The following ASTN2 variants were observed in gnomAD, a reference collection of about 807,000 sequenced individuals.
ASTN2 encodes astrotactin-2.
ASTN2 carries 54 observed loss-of-function variants against 139.8 expected under a neutral mutation model. The ratio of observed to expected loss-of-function variants is 0.39; its 90% CI spans 0.31 to 0.48. The LOEUF is 0.48. Ranked by LOEUF, ASTN2 falls within the 20% of genes least tolerant of loss-of-function variation. ASTN2 has a pLI of 0.95. For synonymous variants in ASTN2, 756 were observed against 719.5 expected (o/e 1.05, Z -0.81); for missense variants, 1,565 against 1,725.1 (o/e 0.91, Z 1.64).
chr9:116,973,316 A>G (rs1438786198), intron 10 of ASTN2, among the ~76,000 whole-genome samples: 1 of 152,198 alleles, frequency 6.6e-6, no homozygotes, highest in East Asian at 1.9e-4. Context: ...TATTATTATT[A>G]TTATTATTAT....
intron 5 of ASTN2, among the ~76,000 whole-genome samples, chr9:117,048,963 C>CTTTTTTTTTTTTTT (rs372277811): frequency 0.013 from 1,113 of 88,958 alleles, 174 homozygotes; most frequent in African/African-American, 0.037. Flanking sequence ...TCATCCATTG[C>CTTTTTTTTTTTTTT]TTTTTTTTTT....
intron 5 of ASTN2, among the ~76,000 whole-genome samples, chr9:117,075,119 C>T (rs1828244020): frequency 6.6e-6 from 1 of 152,194 alleles, no homozygotes. Context: ...TAGGGCCACT[C>T]CTGCCCCAAC....
chr9:116,718,792 T>C (rs1828386190), intron 16 of ASTN2, among the ~76,000 whole-genome samples: 1 of 151,922 alleles, frequency 6.6e-6, no homozygotes, highest in Admixed American at 6.6e-5. Context: ...ACTATAGCAT[T>C]GGCTCTCCCA....
chr9:116,487,586 C>A, intron 19 of ASTN2, 86 bp from the exon 20 acceptor site: 1 of 1,280,454 alleles, frequency 7.8e-7, no homozygotes, highest in South Asian at 1.6e-5. Flanking sequence ...TATCAAATGT[C>A]TTGATACCAT....
chr9:117,352,009 T>A (rs1829407843), intron 1 of ASTN2, among the ~76,000 whole-genome samples: 2 of 152,188 alleles, frequency 1.3e-5, no homozygotes, highest in Non-Finnish European at 2.9e-5. Flanking sequence ...ACTATTAATA[T>A]CTTTTTAATT....
At chr9:116,456,721 G>A (rs184102585) in intron 20 of ASTN2, among the ~76,000 whole-genome samples, 4 of 152,204 alleles carry the variant, frequency 2.6e-5, no homozygotes, top group Admixed American at 6.5e-5. Flanking sequence ...AACAGCACAC[G>A]AAAGAATTTC....
At chr9:116,761,234 C>A (rs1829665020) in intron 13 of ASTN2, among the ~76,000 whole-genome samples, 1 of 152,202 alleles carries the variant, frequency 6.6e-6, no homozygotes, top group African/African-American at 2.4e-5. Flanking sequence ...CAGGCATGAA[C>A]CTAGGCTCTC....
intron 19 of ASTN2, among the ~76,000 whole-genome samples, chr9:116,560,576 A>C (rs1013701790): frequency 1.3e-5 from 2 of 152,150 alleles, no homozygotes; most frequent in Admixed American, 1.3e-4. Context: ...TCAAGTCTTT[A>C]GCACAAGTGA....
At chr9:116,441,222 T>C (rs1197867378) in intron 21 of ASTN2, among the ~76,000 whole-genome samples, 5 of 151,884 alleles carry the variant, frequency 3.3e-5, no homozygotes, top group African/African-American at 7.2e-5. Context: ...TCAGGTCTGA[T>C]AGGTCCCCAT....
Position 116,505,318 on chromosome 9 carries a change from C to CTGGT in ASTN2, c.3356-17819_3356-17818insACCA, listed in dbSNP as rs1850061654. Among the ~76,000 whole-genome samples, 31 of 151,912 alleles carry CTGGT rather than the reference C, an allele frequency of 2.0e-4. 1 individual carries two copies. The highest frequency in any genetic ancestry group is 2.0e-3 in the Admixed American group (31 of 15,228). On this transcript the variant is annotated intron_variant, in intron 19 of 22. Coordinates refer to ENST00000313400, the MANE Select transcript of ASTN2 (RefSeq NM_001365068.1). Reference sequence around the variant, plus strand: ...GCTCTGTGGAAACAATGTTGGTTCCCGCTCAGCTTTTCCCTGGTGCCCAGC... The same window carrying CTGGT: ...GCTCTGTGGAAACAATGTTGGTTCCCTGGTGCTCAGCTTTTCCCTGGTGCCCAGC...
chr9:116,597,311 T>TTTTTTTTTG (rs1854637578), intron 19 of ASTN2, among the ~76,000 whole-genome samples: 2 of 142,404 alleles, frequency 1.4e-5, no homozygotes, highest in Admixed American at 7.1e-5. Context: ...TTTTTTTTTT[T>TTTTTTTTTG]TTTTTTTTTT....
In ASTN2 at chr9:116,548,128, G is replaced by A. The variant is rs140763345; in HGVS notation, c.3356-60628C>T. ...ACTCTGTTTTCTAAGCCGGAGCCAG[G>A]AGCGATTCCCGTAAGGCACTGCCTG... On this transcript the variant is annotated intron_variant, in intron 19 of 22. Transcript: ENST00000313400. 1.6e-3 allele frequency among the ~76,000 whole-genome samples: 250 copies of A among 152,270 alleles called. 1 individual carries two copies. Among genetic ancestry groups the A allele is most frequent in the African/African-American group, 5.6e-3 (232 of 41,536 alleles).
intron 16 of ASTN2, among the ~76,000 whole-genome samples, chr9:116,660,622 A>G (rs1858504636): frequency 6.6e-6 from 1 of 152,144 alleles, no homozygotes; most frequent in Admixed American, 6.5e-5. Flanking sequence ...AGCATTATTC[A>G]ATTCTTGTAC....
intron 7 of ASTN2, among the ~76,000 whole-genome samples, chr9:116,983,816 A>G (rs1836590001): frequency 6.6e-6 from 1 of 152,178 alleles, no homozygotes; most frequent in Admixed American, 6.5e-5. Flanking sequence ...AAACATCTAC[A>G]GGCTGTGGCT....
intron 3 of ASTN2, among the ~76,000 whole-genome samples, chr9:117,206,332 T>C (rs1831921910): frequency 6.6e-6 from 1 of 152,130 alleles, no homozygotes; most frequent in Non-Finnish European, 1.5e-5. Flanking sequence ...AAGATCTCTA[T>C]CCGACCCCAT....
At chr9:117,212,433 G>C (rs920526782) in intron 3 of ASTN2, among the ~76,000 whole-genome samples, 3 of 151,836 alleles carry the variant, frequency 2.0e-5, no homozygotes, top group African/African-American at 7.3e-5. Flanking sequence ...AAACTAAAAA[G>C]CTCCTGCACA....
chr9:116,999,119 C>G (rs1417705918), intron 7 of ASTN2, among the ~76,000 whole-genome samples: 8 of 152,132 alleles, frequency 5.3e-5, no homozygotes, highest in African/African-American at 1.9e-4. Flanking sequence ...AAGTTCATAT[C>G]AATTGTGGAA....
chr9:117,414,761 C>A lies in ASTN2; in HGVS notation c.178G>T (p.Asp60Tyr). Reference sequence around the variant, plus strand: ...ACGGTCTTCAGCCGGCACGGGCTGTCGGGCTCCCGCGAGGCAGCGGCGGTG... The same window carrying A: ...ACGGTCTTCAGCCGGCACGGGCTGTAGGGCTCCCGCGAGGCAGCGGCGGTG... ...GATAAASREPDSPCRLKTVTV... is the reference protein window; with the variant it reads ...GATAAASREPYSPCRLKTVTV... The change falls in exon 1 of 23, where the codon GAC becomes TAC. Residue 60 changes from aspartate (D) to tyrosine (Y), a missense_variant. This residue lies in a region of ASTN2 where 596 missense variants were observed against 576.8 expected (regional missense o/e 1.03). Transcript: ENST00000313400. This position sits in a 1 kb window ranked among gnomAD's most constrained non-coding sequence, Gnocchi z 4.2. The A allele has an allele frequency of 7.9e-7, 1 of 1,265,308 alleles. No homozygotes were observed. Among genetic ancestry groups the A allele is most frequent in the East Asian group, 3.6e-5 (1 of 27,700 alleles). The allele number at this position is 1,265,308 out of a possible 1,614,324, so 78.4% of individuals were successfully genotyped here.
At chr9:116,846,423 G>C (rs564614839) in intron 11 of ASTN2, among the ~76,000 whole-genome samples, 2 of 152,294 alleles carry the variant, frequency 1.3e-5, no homozygotes, top group African/African-American at 4.8e-5. Flanking sequence ...AAGGCATAAT[G>C]GTTCCTAACT....
Sources: allele counts gnomAD v4.1 joint callset (sites outside exome capture counted in the v4.1 genomes callset), GRCh38; gene constraint gnomAD v4.1.1; regional missense constraint gnomAD v4.1.1; non-coding constraint Gnocchi (gnomAD v3.1); transcripts MANE v1.5; gene names NCBI Gene and HGNC (gene_info 2026-07-23, HGNC 2026-07-21).